The following COL19A1 variants were observed in gnomAD, a reference collection of about 807,000 sequenced individuals.
The protein encoded by COL19A1 is collagen alpha-1(XIX) chain.
COL19A1 carries 159 observed loss-of-function variants against 190.2 expected under a neutral mutation model. The ratio of observed to expected loss-of-function variants is 0.84; its 90% CI spans 0.73 to 0.95. The LOEUF (loss-of-function observed/expected upper bound fraction) is 0.95. Among genes scored for constraint, COL19A1 ranks in the 40% least tolerant of loss-of-function variants. COL19A1 has a pLI of 0.00. For synonymous variants in COL19A1, 509 were observed against 458.9 expected (o/e 1.11, Z -1.39); for missense variants, 1,418 against 1,431.9 (o/e 0.99, Z 0.16).
chr6:70,132,253 C>T (rs1320750440), intron 18 of COL19A1, among the ~76,000 whole-genome samples: 1 of 152,056 alleles, frequency 6.6e-6, no homozygotes, highest in Non-Finnish European at 1.5e-5. Context: ...AAAATATTAG[C>T]TGGGCATGCT....
At position 70,034,292 on chromosome 6, in the gene COL19A1, A is replaced by C; in HGVS notation, c.1128A>C (p.Gly376=). ...LGPHGPPGPK[G]EKGDTGPPGP... ...CTCATGGTCCACCTGGCCCAAAAGG[A>C]GAAAAGGTATTGTGTTTACCCAGCC... Residue 376 remains glycine, a synonymous_variant, in exon 13 of 51, where the codon GGA becomes GGC. Coordinates refer to ENST00000620364, the MANE Select transcript of COL19A1 (RefSeq NM_001858.6). 1.9e-6 allele frequency: 3 copies of C among 1,612,898 alleles called. No individual in the cohort carries two copies. Among genetic ancestry groups the C allele is most frequent in the Non-Finnish European group, 2.5e-6 (3 of 1,178,906 alleles).
rs779570714 is a variant in COL19A1 at position 70,137,745 on chromosome 6, C to A, written c.1444C>A (p.Pro482Thr). Residue 482 changes from proline to threonine, a missense_variant and splice_region_variant, in exon 19 of 51, where the codon CCT (proline) becomes ACT (threonine). Pro to Thr is a conservative substitution (Grantham distance 38, BLOSUM62 -1). Coordinates refer to ENST00000620364, the MANE Select transcript of COL19A1 (RefSeq NM_001858.6). ...TGGCCCTAAAGGACAAAAAGGAGAA[C>A]CTGTAAGTATTTTAGCTTTGAGGAC... is the stretch of plus-strand genomic sequence containing the variant. ...SVGPKGQKGE[P>T]GEPFTKGEKG... 22 of 1,612,812 alleles carry A rather than the reference C, an allele frequency of 1.4e-5. 1 individual carries two copies. In the Admixed American group the frequency reaches 3.7e-4, roughly 27 times the overall value.
intron 17 of COL19A1, among the ~76,000 whole-genome samples, chr6:70,128,685 C>A (rs996360738): frequency 6.6e-6 from 1 of 152,116 alleles, no homozygotes; most frequent in East Asian, 1.9e-4. Flanking sequence ...AAGGCTATTG[C>A]AATAGGAGAG....
intron 17 of COL19A1, among the ~76,000 whole-genome samples, chr6:70,125,067 C>T (rs557401816): frequency 2.0e-5 from 3 of 150,840 alleles, no homozygotes; most frequent in Admixed American, 1.3e-4. Context: ...GCATTGTCTC[C>T]ACCACCTACC....
chr6:70,195,515 G>A (rs1326129471), intron 48 of COL19A1, among the ~76,000 whole-genome samples: 1 of 152,114 alleles, frequency 6.6e-6, no homozygotes, highest in African/African-American at 2.4e-5. Flanking sequence ...CAGATTTTCA[G>A]TTTGGAAGCC....
Position 70,020,980 on chromosome 6 carries a change from G to C in COL19A1, c.1027-2647G>C, listed in dbSNP as rs561952222. On this transcript the variant is annotated intron_variant, in intron 11 of 50. Transcript: ENST00000620364. Reference sequence around the variant, plus strand: ...CCTATATTCTATTCTTTACCCTGAAGGGCATTTTAAGAGACATTGACTCCT... The same window carrying C: ...CCTATATTCTATTCTTTACCCTGAACGGCATTTTAAGAGACATTGACTCCT... Among the ~76,000 whole-genome samples the C allele has an allele frequency of 8.6e-4, 131 of 152,080 alleles. 1 individual carries two copies. Among genetic ancestry groups the C allele is most frequent in the African/African-American group, 3.1e-3 (128 of 41,508 alleles).
intron 11 of COL19A1, among the ~76,000 whole-genome samples, chr6:69,966,483 T>A (rs2150050539): frequency 6.6e-6 from 1 of 152,258 alleles, no homozygotes; most frequent in Non-Finnish European, 1.5e-5. Flanking sequence ...AACCCCGTGC[T>A]CTCTGAAACA....
intron 15 of COL19A1, among the ~76,000 whole-genome samples, chr6:70,101,950 A>C (rs1167058285): frequency 2.6e-5 from 4 of 152,224 alleles, no homozygotes; most frequent in Non-Finnish European, 4.4e-5. Flanking sequence ...TGCTGATAAA[A>C]GTTAAGGTTT....
At chr6:69,948,975 C>T (rs1446524224) in intron 9 of COL19A1, among the ~76,000 whole-genome samples, 1 of 151,670 alleles carries the variant, frequency 6.6e-6, no homozygotes. Flanking sequence ...AGACACTGTT[C>T]CCAGAGAACT....
At chr6:70,160,498 A>G (rs905865287) in intron 34 of COL19A1, among the ~76,000 whole-genome samples, 3 of 152,146 alleles carry the variant, frequency 2.0e-5, no homozygotes, top group South Asian at 4.1e-4. Flanking sequence ...AACCCTGGAA[A>G]TGTTTCCCAA....
In COL19A1 at chr6:70,211,599, A is replaced by C. The variant is rs991144414; in HGVS notation, c.*4325A>C. Among the ~76,000 whole-genome samples the C allele has an allele frequency of 2.0e-5, 3 of 150,176 alleles. No individual in the cohort carries two copies. The highest frequency in any genetic ancestry group is 7.4e-5 in the African/African-American group (3 of 40,672). ...AATTCAAAGTGACTTAGTCCATTGAATTGTGTTCATTTATTAGTTGGCTGG... is the reference window on the plus strand; with the variant it reads ...AATTCAAAGTGACTTAGTCCATTGACTTGTGTTCATTTATTAGTTGGCTGG... On this transcript the variant is annotated 3_prime_UTR_variant, in exon 51 of 51. Transcript: ENST00000620364.
intron 16 of COL19A1, among the ~76,000 whole-genome samples, chr6:70,109,544 G>GTGTA (rs1491063649): frequency 0.019 from 118 of 6,326 alleles, no homozygotes; most frequent in African/African-American, 0.064. Flanking sequence ...TTTTGTAAGT[G>GTGTA]TGTGTGTGTG....
At chr6:70,004,925 C>CCG (rs1777524318) in intron 11 of COL19A1, among the ~76,000 whole-genome samples, 1 of 151,838 alleles carries the variant, frequency 6.6e-6, no homozygotes, top group Non-Finnish European at 1.5e-5. Context: ...CTCTGCCCCC[C>CCG]GGGTTCATGC....
intron 48 of COL19A1, among the ~76,000 whole-genome samples, chr6:70,197,374 G>A (rs556899576): frequency 6.6e-6 from 1 of 152,090 alleles, no homozygotes; most frequent in Admixed American, 6.5e-5. Flanking sequence ...AGTGAGCTGA[G>A]ATCACGCCAC....
intron 11 of COL19A1, among the ~76,000 whole-genome samples, chr6:69,978,181 A>G (rs1283945602): frequency 2.6e-5 from 4 of 152,198 alleles, no homozygotes; most frequent in South Asian, 2.1e-4. Context: ...AACTTTTGCT[A>G]TATCTCTAGT....
At chr6:70,082,515 C>T (rs957363449) in intron 15 of COL19A1, among the ~76,000 whole-genome samples, 15 of 152,062 alleles carry the variant, frequency 9.9e-5, no homozygotes, top group Admixed American at 3.3e-4. Context: ...CGGGTTCAAG[C>T]GATTCTCCTG....
intron 11 of COL19A1, among the ~76,000 whole-genome samples, chr6:70,002,804 GT>G (rs35656140): frequency 0.017 from 1,951 of 118,208 alleles, 22 homozygotes; most frequent in African/African-American, 0.046. Context: ...GTTGTTGTTG[GT>G]TTTTTTTTTT....
chr6:69,994,518 A>T (rs1776795357), intron 11 of COL19A1, among the ~76,000 whole-genome samples: 1 of 152,164 alleles, frequency 6.6e-6, no homozygotes, highest in African/African-American at 2.4e-5. Context: ...GCTGTGACAG[A>T]CTAAATTGTC....
intron 2 of COL19A1, among the ~76,000 whole-genome samples, chr6:69,887,179 A>G (rs573024588): frequency 6.6e-6 from 1 of 152,336 alleles, no homozygotes; most frequent in East Asian, 1.9e-4. Flanking sequence ...CAATAAGCCA[A>G]CCAAAGTGTC....
Sources: gnomAD v4.1 joint callset for allele counts (sites outside exome capture counted in the v4.1 genomes callset) on GRCh38, gnomAD v4.1.1 for gene constraint, MANE v1.5 for transcripts, NCBI Gene and HGNC (gene_info 2026-07-23, HGNC 2026-07-21) for gene names.